GREB1: variants seen among roughly 807,000 people sequenced by gnomAD.
GREB1 encodes the protein protein GREB1.
Under a neutral mutation model 200.7 loss-of-function variants are expected in GREB1, and 106 were observed. The observed-to-expected ratio is 0.53, with a 90% confidence interval of 0.45 to 0.62. The LOEUF is 0.62. Among genes scored for constraint, GREB1 ranks in the 20% least tolerant of loss-of-function variants. The pLI is 0.00. For missense variants in GREB1, 2,243 were observed against 2,556.8 expected (o/e 0.88, Z 2.65); for synonymous variants, 1,132 against 1,092.4 (o/e 1.04, Z -0.72).
intron 1 of GREB1, among the ~76,000 whole-genome samples, chr2:11,522,996 G>C (rs1673752941): frequency 6.6e-6 from 1 of 152,180 alleles, no homozygotes; most frequent in East Asian, 1.9e-4. Context: ...GTGGTAGACA[G>C]GATGGATAAA....
chr2:11,555,003 G>A (rs1676295105), intron 1 of GREB1, among the ~76,000 whole-genome samples: 1 of 152,144 alleles, frequency 6.6e-6, no homozygotes, highest in South Asian at 2.1e-4. Context: ...ATGATAAACT[G>A]TCTAGAAAGA....
At chr2:11,598,911 A>T (rs775882430) in intron 15 of GREB1, 51 bp downstream of exon 15, 1 of 1,415,252 alleles carries the variant, frequency 7.1e-7, no homozygotes, top group Non-Finnish European at 1.0e-6. Flanking sequence ...CTTTGAAGTG[A>T]TGTATGTGGA....
rs1685498253 is a variant in GREB1, at chr2:11,637,748, C to T, written c.5379C>T (p.Ala1793=). Residue 1793 remains alanine, a synonymous_variant, in exon 31 of 33, where the codon GCC becomes GCT. Transcript: ENST00000381486. ...ATAACTCTGCCGCGGTCGTGCCGGCCCAGTACATCTGTGCCCCGGACAGCA... is the reference window on the plus strand; with the variant it reads ...ATAACTCTGCCGCGGTCGTGCCGGCTCAGTACATCTGTGCCCCGGACAGCA... ...VSDNSAAVVP[A]QYICAPDSKH... 1.9e-6 allele frequency: 3 copies of T among 1,613,748 alleles called. No homozygotes were observed. The South Asian group carries it at 3.3e-5, about 18-fold the overall frequency.
chr2:11,564,343 T>C (rs549806510), intron 3 of GREB1, among the ~76,000 whole-genome samples: 7 of 151,104 alleles, frequency 4.6e-5, no homozygotes, highest in Admixed American at 1.3e-4. Context: ...GTAGGACTTA[T>C]AGTGTCCAAA....
In GREB1 at chr2:11,625,227, G is replaced by A. The variant is rs1684345995; in HGVS notation, c.4221G>A (p.Lys1407=). 6.2e-7 allele frequency: 1 copy of A among 1,614,072 alleles called. No homozygotes were observed. The highest frequency in any genetic ancestry group is 8.5e-7 in the Non-Finnish European group (1 of 1,179,912). Residue 1407 remains lysine (K), a synonymous_variant, in exon 24 of 33, where the codon AAG becomes AAA. Transcript: ENST00000381486. ...GGCCAGACCTGGAGCTGTTCAAGAA[G>A]TTGCCCTTTGACTACATCATTCACG... The part of the protein sequence containing the change: ...DPWPDLELFK[K]LPFDYIIHDP...
rs1677180839 is a variant in GREB1 at position 11,562,576 on chromosome 2, A to G, written c.271A>G (p.Thr91Ala). The change falls in exon 3 of 33, where the codon ACA becomes GCA. Residue 91 changes from threonine (T) to alanine (A), a missense_variant. By Grantham distance (58) the Thr-to-Ala change is moderately conservative. Transcript: ENST00000381486. Reference protein sequence around the residue: ...LHPLPEGCCTTDGFCQAGKDL... With the variant: ...LHPLPEGCCTADGFCQAGKDL... ...CCCTCTGCCTGAAGGATGCTGTACC[A>G]CAGACGGTGAGCCTCTGCCAGCTCC... 1.9e-6 allele frequency: 3 copies of G among 1,585,124 alleles called. No homozygotes were observed. The highest frequency in any genetic ancestry group is 2.6e-6 in the Non-Finnish European group (3 of 1,166,574).
chr2:11,543,099 G>T (rs186391474), intron 1 of GREB1, among the ~76,000 whole-genome samples: 1 of 152,262 alleles, frequency 6.6e-6, no homozygotes, highest in African/African-American at 2.4e-5. Flanking sequence ...ACCATGGGAA[G>T]TAAAGAGGTG....
chr2:11,543,616 A>G (rs1307195750), intron 1 of GREB1, among the ~76,000 whole-genome samples: 2 of 152,256 alleles, frequency 1.3e-5, no homozygotes, highest in South Asian at 2.1e-4. Context: ...CAGACAGATT[A>G]TGAACACTTT....
chr2:11,606,971 C>T (rs1682361943), intron 17 of GREB1, among the ~76,000 whole-genome samples: 1 of 151,892 alleles, frequency 6.6e-6, no homozygotes, highest in Non-Finnish European at 1.5e-5. Flanking sequence ...TTAGTAGAGA[C>T]AGGGTTTCAC....
At chr2:11,530,343 T>A (rs927839478), upstream of GREB1, among the ~76,000 whole-genome samples, 2 of 151,726 alleles carry the variant, frequency 1.3e-5, no homozygotes, top group Non-Finnish European at 2.9e-5. Flanking sequence ...ATTACAGGTG[T>A]GATCCAGTGC....
intron 5 of GREB1, 32 bp from the exon 6 acceptor site, chr2:11,578,265 T>G: frequency 6.3e-7 from 1 of 1,593,018 alleles, no homozygotes. Flanking sequence ...GAAGAGCGAG[T>G]TGGTTTTCAC....
At position 11,593,015 on chromosome 2, in the gene GREB1, C is replaced by T; in HGVS notation, c.1585C>T (p.Leu529Phe). 1 of 1,613,076 alleles carries T rather than the reference C, an allele frequency of 6.2e-7. No homozygotes were observed. Among genetic ancestry groups the T allele is most frequent in the Non-Finnish European group, 8.5e-7 (1 of 1,179,670 alleles). Residue 529 changes from leucine to phenylalanine, a missense_variant, in exon 11 of 33, where the codon CTC becomes TTC. Physicochemically the swap from Leu to Phe is conservative, Grantham distance 22. This residue lies in a region of GREB1 where 1,178 missense variants were observed against 1,387.4 expected (regional missense o/e 0.85). Coordinates refer to ENST00000381486, the MANE Select transcript of GREB1 (RefSeq NM_014668.4). The stretch of plus-strand genomic sequence containing the variant: ...GTGTGCTTACTCCCTGGCCGAGGGC[C>T]TCTCCGAGATGTTCCGGCTGTTGGT... ...IECAYSLAEG[L>F]SEMFRLLVEG... is the part of the protein sequence containing the mutation.
rs3035991 is a variant in GREB1, at chr2:11,605,144, C to CTTTTTTTTTTTTTTTT, written c.2666+2619_2666+2634dup. 4.0e-4 allele frequency among the ~76,000 whole-genome samples: 18 copies of CTTTTTTTTTTTTTTTT among 44,824 alleles called. 3 individuals carry two copies. Among genetic ancestry groups the CTTTTTTTTTTTTTTTT allele is most frequent in the Admixed American group, 8.3e-4 (2 of 2,420 alleles). The allele number at this position is 44,824 out of a possible 152,430, so 29.4% of individuals were successfully genotyped here. On this transcript the variant is annotated intron_variant, in intron 17 of 32. Coordinates refer to ENST00000381486, the MANE Select transcript of GREB1 (RefSeq NM_014668.4). ...TGGAGCTGGGCACCAGAGCCTGCTT[C>CTTTTTTTTTTTTTTTT]TTTTTTTTTTTTTTTTTTTTTTTTT...
chr2:11,495,683 A>T (rs894686163), intron 1 of GREB1, among the ~76,000 whole-genome samples: 9 of 152,058 alleles, frequency 5.9e-5, no homozygotes, highest in African/African-American at 2.2e-4. Flanking sequence ...GAGTCCACAC[A>T]CCTGGGAGAT....
rs202140347 is a variant in GREB1, at chr2:11,562,569, C to G, written c.264C>G (p.Cys88Trp). Residue 88 changes from cysteine to tryptophan, a missense_variant, in exon 3 of 33, where the codon TGC becomes TGG. Physicochemically the swap from Cys to Trp is radical, Grantham distance 215. Transcript: ENST00000381486. ...PFQLHPLPEGCCTTDGFCQAG... is the reference protein window; with the variant it reads ...PFQLHPLPEGWCTTDGFCQAG... ...AGCTGCACCCTCTGCCTGAAGGATG[C>G]TGTACCACAGACGGTGAGCCTCTGC... is the stretch of plus-strand genomic sequence containing the variant. The G allele has an allele frequency of 2.5e-5, 40 of 1,593,118 alleles. No individual in the cohort carries two copies. The highest frequency in any genetic ancestry group is 4.3e-6 in the Non-Finnish European group (5 of 1,170,828).
intron 9 of GREB1, chr2:11,587,762 CA>C (rs1680314085): frequency 8.7e-7 from 1 of 1,155,882 alleles, no homozygotes; most frequent in African/African-American, 1.6e-5. Flanking sequence ...GGGAGCTCAG[CA>C]GCCCCGAGAG....
In GREB1 at chr2:11,618,856, C is replaced by T. The variant is rs781001867; in HGVS notation, c.3981C>T (p.Asn1327=). The T allele has an allele frequency of 5.6e-6, 9 of 1,594,080 alleles. No individual in the cohort carries two copies. The South Asian group carries it at 1.0e-4, about 18-fold the overall frequency. Residue 1327 remains asparagine (N), a synonymous_variant, in exon 22 of 33, where the codon AAC becomes AAT. Transcript: ENST00000381486. The part of the protein sequence containing the change: ...VPRPSHMDYG[N]RAEGRVDGFH... ...GGCCCAGCCACATGGACTACGGCAA[C>T]CGGGCCGAGGGCCGCGTGGACGGCT... is the stretch of plus-strand genomic sequence containing the variant.
chr2:11,585,060 A>AAC (rs1679935806), intron 7 of GREB1, 101 bp from the exon 8 acceptor site: 5 of 586,690 alleles, frequency 8.5e-6, no homozygotes, highest in Non-Finnish European at 1.4e-5. Context: ...TTAGAAAAAA[A>AAC]AAAACAAAAC....
chr2:11,484,585 TAAAAAACAAA>T (rs1216683728), intron 1 of GREB1, among the ~76,000 whole-genome samples: 3 of 7,788 alleles, frequency 3.9e-4, no homozygotes, highest in Admixed American at 1.4e-3. Context: ...TCTCATCTCT[TAAAAAACAAA>T]AAAAAAAAAA....
Sources: allele counts gnomAD v4.1 joint callset (sites outside exome capture counted in the v4.1 genomes callset), GRCh38; gene constraint gnomAD v4.1.1; regional missense constraint gnomAD v4.1.1; transcripts MANE v1.5; gene names NCBI Gene and HGNC (gene_info 2026-07-23, HGNC 2026-07-21).